Variants in STRN4 observed in about 807,000 individuals in gnomAD.
The protein encoded by STRN4 is striatin 4.
In STRN4, 27 loss-of-function variants were observed where a neutral mutation model predicts 77.9. The ratio of observed to expected loss-of-function variants is 0.35; its 90% confidence interval spans 0.26 to 0.48. STRN4 has a LOEUF of 0.48. STRN4 is among the 20% of genes least tolerant of loss of function. STRN4 has a pLI of 0.99. For missense variants in STRN4, 798 were observed against 1,049.7 expected (o/e 0.76, Z 3.31); for synonymous variants, 466 against 443.1 (o/e 1.05, Z -0.65).
chr19:46,722,159 A>G lies in STRN4; in HGVS notation c.2005+83T>C, dbSNP rs543688184. 1.8e-5 allele frequency: 28 copies of G among 1,595,468 alleles called. No individual in the cohort carries two copies. In the African/African-American group the frequency reaches 3.4e-4, roughly 19 times the overall value. On this transcript the variant is annotated intron_variant, in intron 15 of 17. Transcript: ENST00000263280. Reference sequence around the variant, plus strand: ...AAAGGACTGGACGAGAGACTCCCAGAGCCTCCCACAGGGACGCAAGCATCT... The same window carrying G: ...AAAGGACTGGACGAGAGACTCCCAGGGCCTCCCACAGGGACGCAAGCATCT...
In STRN4 at chr19:46,746,099, G is replaced by A. The variant is rs571064207; in HGVS notation, c.282+50C>T. The A allele has an allele frequency of 9.0e-5, 125 of 1,395,490 alleles. No homozygotes were observed. The African/African-American group carries it at 1.7e-3, about 19-fold the overall frequency. The allele number at this position is 1,395,490 out of a possible 1,614,324, so 86.4% of individuals were successfully genotyped here. A position where few individuals can be genotyped will look rare whatever the true frequency, so the allele number is the denominator to read the frequency against. ...GGCGGCGGCGGCAGCGGGTGAGGCC[G>A]GGCCGGGCCGGGCCGGGTTGGGGGT... is the stretch of plus-strand genomic sequence containing the variant. On this transcript the variant is annotated intron_variant, in intron 1 of 17. Coordinates refer to ENST00000263280, the MANE Select transcript of STRN4 (RefSeq NM_013403.3).
chr19:46,720,484 A>C (rs1466705100), intron 17 of STRN4, 52 bp downstream of exon 17: 1 of 1,204,054 alleles, frequency 8.3e-7, no homozygotes, highest in East Asian at 2.9e-5. Flanking sequence ...CACACCTGGC[A>C]GTACTAGGCA....
chr19:46,722,699 G>A lies in STRN4; in HGVS notation c.1906+111C>T, dbSNP rs1166475911. 2.0e-6 allele frequency: 3 copies of A among 1,484,596 alleles called. No homozygotes were observed. The African/African-American group carries it at 4.1e-5, about 20-fold the overall frequency. The allele number at this position is 1,484,596 out of a possible 1,614,324, so 92.0% of individuals were successfully genotyped here. Reference sequence around the variant, plus strand: ...CTTCCTTCCTGCTCAGGGCCTGAGGGTGCAGGGGAGTCATCTGAGCTGACT... The same window carrying A: ...CTTCCTTCCTGCTCAGGGCCTGAGGATGCAGGGGAGTCATCTGAGCTGACT... On this transcript the variant is annotated intron_variant, in intron 14 of 17. Transcript: ENST00000263280.
chr19:46,738,303 GGAATCCAGAATCCCAAACCCCAA>G lies in STRN4; in HGVS notation c.387-89_387-67del. The G allele has an allele frequency of 1.4e-6, 2 of 1,465,988 alleles. No individual in the cohort carries two copies. The highest frequency in any genetic ancestry group is 1.9e-6 in the Non-Finnish European group (2 of 1,047,588). 90.8% of individuals were successfully genotyped at this position (1,465,988 alleles called of 1,614,324 possible). The stretch of plus-strand genomic sequence containing the variant: ...GTAGACAGGGTCAGTAGTTACCTAA[GGAATCCAGAATCCCAAACCCCAA>G]ATCACAGGGCCTCCCCCAGCTCGTC... On this transcript the variant is annotated intron_variant, in intron 2 of 17. Coordinates refer to ENST00000263280, the MANE Select transcript of STRN4 (RefSeq NM_013403.3). This position sits in a 1 kb window ranked among gnomAD's most constrained non-coding sequence, Gnocchi z 4.5.
At chr19:46,743,648 C>T (rs1568407839) in intron 1 of STRN4, among the ~76,000 whole-genome samples, 3 of 152,112 alleles carry the variant, frequency 2.0e-5, no homozygotes, top group African/African-American at 4.8e-5. Context: ...GCCTGTAATC[C>T]CAGCACTTTG....
rs1271348332 is a variant in STRN4 at position 46,723,115 on chromosome 19, G to C, written c.1764C>G (p.Ser588Arg). The change falls in exon 13 of 18, where the codon AGC (serine) becomes AGG (arginine). Residue 588 changes from serine to arginine, a missense_variant and splice_region_variant. This residue lies in a region of STRN4 where 287 missense variants were observed against 473.8 expected (regional missense o/e 0.61). Transcript: ENST00000263280. This position sits in a 1 kb window ranked among gnomAD's most constrained non-coding sequence, Gnocchi z 5.5. ...TGAGGCACCGGGGCCCCCACTCACC[G>C]CTGGCTGTGGGGAAGGTGCAGAGGC... ...PACLCTFPTA[S>R]EHGVPTSVAF... The C allele has an allele frequency of 1.3e-6, 2 of 1,563,198 alleles. No individual in the cohort carries two copies. Among genetic ancestry groups the C allele is most frequent in the African/African-American group, 1.4e-5 (1 of 73,538 alleles).
chr19:46,722,780 A>G, intron 14 of STRN4, 30 bp downstream of exon 14: 1 of 1,611,862 alleles, frequency 6.2e-7, no homozygotes, highest in Non-Finnish European at 8.5e-7. Flanking sequence ...CACTGAGACC[A>G]ATTCCATGAG....
chr19:46,722,450 T>G (rs1457269220), intron 14 of STRN4, 110 bp from the exon 15 acceptor site: 1 of 1,187,508 alleles, frequency 8.4e-7, no homozygotes, highest in Non-Finnish European at 1.2e-6. Flanking sequence ...TGCCTGGATG[T>G]CGAGGGGGGC....
intron 10 of STRN4, 46 bp from the exon 11 acceptor site, chr19:46,725,425 C>T (rs570347003): frequency 6.2e-7 from 1 of 1,613,900 alleles, no homozygotes; most frequent in African/African-American, 1.3e-5. Context: ...CCCTGTCACC[C>T]CCGTCCCCAG....
chr19:46,722,877 G>A lies in STRN4; in HGVS notation c.1839C>T (p.Gly613=), dbSNP rs765512269. The change falls in exon 14 of 18, where the codon GGC becomes GGT. Residue 613 remains glycine (G), a synonymous_variant. Coordinates refer to ENST00000263280, the MANE Select transcript of STRN4 (RefSeq NM_013403.3). Reference sequence around the variant, plus strand: ...CCTCCATGTCATACAAGACGGTGTCGCCAGAGCGGAAGGAGGCCACGATGT... The same window carrying A: ...CCTCCATGTCATACAAGACGGTGTCACCAGAGCGGAAGGAGGCCACGATGT... The part of the protein sequence containing the change: ...PAHIVASFRS[G]DTVLYDMEVG... The A allele has an allele frequency of 5.0e-6, 8 of 1,613,870 alleles. No homozygotes were observed. Among genetic ancestry groups the A allele is most frequent in the Admixed American group, 1.7e-5 (1 of 60,008 alleles).
intron 5 of STRN4, chr19:46,732,734 C>T (rs912998971): frequency 3.0e-5 from 11 of 371,498 alleles, no homozygotes; most frequent in African/African-American, 1.4e-4. Flanking sequence ...TCCCTGCTGG[C>T]GAGGCACCCA....
At chr19:46,724,599 C>T (rs941572635) in intron 12 of STRN4, among the ~76,000 whole-genome samples, 2 of 152,278 alleles carry the variant, frequency 1.3e-5, no homozygotes, top group African/African-American at 4.8e-5. Flanking sequence ...TCACCACCTC[C>T]TCCCACAGCC....
Position 46,733,548 on chromosome 19 carries a change from G to A in STRN4, c.540-312C>T. 1 of 340,512 alleles carries A rather than the reference G, an allele frequency of 2.9e-6. No individual in the cohort carries two copies. 21.1% of individuals were successfully genotyped at this position (340,512 alleles called of 1,614,324 possible). On this transcript the variant is annotated intron_variant, in intron 4 of 17. Transcript: ENST00000263280. The surrounding 1 kb of genome is among the most constrained non-coding windows in gnomAD (Gnocchi z 4.3). ...AAATGACTCATAGCGCTGCAAGGCA[G>A]AAGATCAACAGGGCAGAGCCTTAAG...
chr19:46,738,379 C>T lies in STRN4; in HGVS notation c.387-142G>A. 2.4e-6 allele frequency: 2 copies of T among 824,654 alleles called. No individual in the cohort carries two copies. The highest frequency in any genetic ancestry group is 2.0e-6 in the Non-Finnish European group (1 of 503,002). 51.1% of individuals were successfully genotyped at this position (824,654 alleles called of 1,614,324 possible). ...CTACTGAGGCTGAAGCATCCCCCCA[C>T]ACCCCTGGCCTGGTGGAAGAAACCA... On this transcript the variant is annotated intron_variant, in intron 2 of 17. Coordinates refer to ENST00000263280, the MANE Select transcript of STRN4 (RefSeq NM_013403.3). This position sits in a 1 kb window ranked among gnomAD's most constrained non-coding sequence, Gnocchi z 4.5.
Position 46,737,959 on chromosome 19 carries a change from C to A in STRN4, c.460+205G>T, listed in dbSNP as rs1055233581. On this transcript the variant is annotated intron_variant, in intron 3 of 17. Coordinates refer to ENST00000263280, the MANE Select transcript of STRN4 (RefSeq NM_013403.3). ...CCTCTGTTGCACAGGGGGACCCAAG[C>A]GGGACTGGCCCCCAGGGTCCAGCAC... Among the ~76,000 whole-genome samples, 8 of 152,062 alleles carry A rather than the reference C, an allele frequency of 5.3e-5. No individual in the cohort carries two copies. The South Asian group carries it at 8.3e-4, about 16-fold the overall frequency.
Position 46,723,339 on chromosome 19 carries a change from G to T in STRN4, c.1595-55C>A. 1 of 1,497,972 alleles carries T rather than the reference G, an allele frequency of 6.7e-7. No individual in the cohort carries two copies. The highest frequency in any genetic ancestry group is 1.3e-5 in the South Asian group (1 of 79,454). 92.8% of individuals were successfully genotyped at this position (1,497,972 alleles called of 1,614,324 possible). ...GTGTCAGGGCTGCCAGCTCCTCCCT[G>T]GACAGCCCAGAGCCCCAGCTCTGCC... is the stretch of plus-strand genomic sequence containing the variant. On this transcript the variant is annotated intron_variant, in intron 12 of 17. Transcript: ENST00000263280. The surrounding 1 kb of genome is among the most constrained non-coding windows in gnomAD (Gnocchi z 5.5).
In STRN4 at chr19:46,743,250, A is replaced by T. The variant is rs975332815; in HGVS notation, c.282+2899T>A. ...CTTACATATATATGTGTATACACAC[A>T]CTCACACACACACACACACCCCTCT... On this transcript the variant is annotated intron_variant, in intron 1 of 17. Coordinates refer to ENST00000263280, the MANE Select transcript of STRN4 (RefSeq NM_013403.3). Among the ~76,000 whole-genome samples the T allele has an allele frequency of 3.3e-5, 5 of 151,948 alleles. No individual in the cohort carries two copies. The South Asian group carries it at 1.0e-3, about 32-fold the overall frequency.
chr19:46,725,725 A>G, intron 9 of STRN4, 77 bp from the exon 10 acceptor site: 1 of 1,545,360 alleles, frequency 6.5e-7, no homozygotes, highest in Non-Finnish European at 8.8e-7. Flanking sequence ...CCAGGGCTTG[A>G]GGGCCCCTGT....
At chr19:46,739,906 T>C (rs1165903497) in intron 1 of STRN4, among the ~76,000 whole-genome samples, 1 of 152,154 alleles carries the variant, frequency 6.6e-6, no homozygotes, top group Non-Finnish European at 1.5e-5. Flanking sequence ...TCATTTTTAT[T>C]CTCCCTGTCC....
Sources: gnomAD v4.1 joint callset for allele counts (sites outside exome capture counted in the v4.1 genomes callset) on GRCh38, gnomAD v4.1.1 for gene constraint, gnomAD v4.1.1 regional missense constraint, Gnocchi (gnomAD v3.1) non-coding constraint, MANE v1.5 for transcripts, NCBI Gene and HGNC (gene_info 2026-07-23, HGNC 2026-07-21) for gene names.